SNX29: variants seen among roughly 807,000 people sequenced by gnomAD.
The protein encoded by SNX29 is sorting nexin 29, also known as sorting nexin-29.
A neutral mutation model predicts 102.1 loss-of-function variants in SNX29; 78 were observed. The ratio of observed to expected loss-of-function variants is 0.76; its 90% CI spans 0.64 to 0.92. SNX29 has a LOEUF of 0.92. Among genes scored for constraint, SNX29 ranks in the 40% least tolerant of loss-of-function variants. The pLI, the probability that SNX29 is intolerant of heterozygous loss-of-function variation, is 0.00. For missense variants in SNX29, 1,280 were observed against 1,061.7 expected (o/e 1.21, Z -2.86); for synonymous variants, 580 against 414.5 (o/e 1.40, Z -4.85).
chr16:12,289,857 G>A lies in SNX29; in HGVS notation c.1782+11821G>A, dbSNP rs16959129. Among the ~76,000 whole-genome samples, 3,699 of 152,118 alleles carry A rather than the reference G, an allele frequency of 0.024. 374 individuals are homozygous for A. In the East Asian group the frequency reaches 0.36, roughly 15 times the overall value. On this transcript the variant is annotated intron_variant, in intron 15 of 20. Transcript: ENST00000566228. ...TCGTGTGGCCTTGATGGACGCGAGT[G>A]AAAGAGATGTAGTCCTGTCAAGGTT... is the stretch of plus-strand genomic sequence containing the variant.
chr16:12,016,847 C>T (rs564170094), intron 3 of SNX29, among the ~76,000 whole-genome samples: 47 of 152,100 alleles, frequency 3.1e-4, no homozygotes, highest in African/African-American at 1.1e-3. Flanking sequence ...ATTATACTGG[C>T]CGAACACAGT....
intron 14 of SNX29, among the ~76,000 whole-genome samples, chr16:12,207,665 G>C (rs187012248): frequency 1.3e-5 from 2 of 152,034 alleles, no homozygotes; most frequent in African/African-American, 4.8e-5. Flanking sequence ...TAGAAACTCC[G>C]CTTCCCTTAT....
intron 1 of SNX29, among the ~76,000 whole-genome samples, chr16:11,987,596 C>T (rs561603041): frequency 1.3e-5 from 2 of 151,992 alleles, no homozygotes; most frequent in African/African-American, 4.8e-5. Context: ...GGGGTTTCAC[C>T]ATGTTGGCCA....
chr16:12,368,927 A>G (rs576174782), intron 16 of SNX29, among the ~76,000 whole-genome samples: 1 of 152,268 alleles, frequency 6.6e-6, no homozygotes, highest in East Asian at 1.9e-4. Context: ...GGGTGCACAG[A>G]TATGGATTCA....
intron 13 of SNX29, among the ~76,000 whole-genome samples, chr16:12,186,256 C>G (rs2076506994): frequency 1.3e-5 from 2 of 152,184 alleles, no homozygotes; most frequent in South Asian, 2.1e-4. Context: ...TTGAAGTAAT[C>G]TGAGATTTGC....
intron 13 of SNX29, among the ~76,000 whole-genome samples, chr16:12,176,006 A>AAAC (rs144666243): frequency 2.0e-4 from 31 of 151,260 alleles, no homozygotes; most frequent in Admixed American, 6.6e-4. Flanking sequence ...ACCTTGTCTA[A>AAAC]AACAACAACA....
chr16:12,434,277 A>G (rs2085434598), intron 18 of SNX29, among the ~76,000 whole-genome samples: 1 of 152,188 alleles, frequency 6.6e-6, no homozygotes, highest in Middle Eastern at 3.2e-3. Context: ...GAGTGTGTAC[A>G]AAGTAGTAAG....
chr16:12,573,175 G>C lies in SNX29; in HGVS notation c.*4546G>C. The C allele has an allele frequency of 4.4e-6, 1 of 226,252 alleles. No homozygotes were observed. The highest frequency in any genetic ancestry group is 8.8e-6 in the Non-Finnish European group (1 of 113,766). The allele number at this position is 226,252 out of a possible 1,614,324, so 14.0% of individuals were successfully genotyped here. A position where few individuals can be genotyped will look rare whatever the true frequency, so the allele number is the denominator to read the frequency against. On this transcript the variant is annotated 3_prime_UTR_variant, in exon 21 of 21. Coordinates refer to ENST00000566228, the MANE Select transcript of SNX29 (RefSeq NM_032167.5). ...CTCCTTGGTCAATAGAAGTAAGGGT[G>C]TAGCCATCCAGGGTCTCCCGGCTCT... is the stretch of plus-strand genomic sequence containing the variant.
chr16:11,985,638 A>T (rs188289992), intron 1 of SNX29, among the ~76,000 whole-genome samples: 1 of 152,144 alleles, frequency 6.6e-6, no homozygotes, highest in Admixed American at 6.6e-5. Context: ...GGTCTGGACC[A>T]TAAGTCTAGT....
At chr16:12,155,073 G>A (rs1406451851) in intron 13 of SNX29, among the ~76,000 whole-genome samples, 4 of 152,088 alleles carry the variant, frequency 2.6e-5, no homozygotes, top group African/African-American at 7.3e-5. Context: ...TTGCCCTTCT[G>A]CCAGTGGCTG....
chr16:12,561,371 G>T (rs776891621), intron 20 of SNX29, among the ~76,000 whole-genome samples: 4 of 152,248 alleles, frequency 2.6e-5, no homozygotes, highest in South Asian at 2.1e-4. Context: ...GAGCTAGGTC[G>T]TGGAAGATGC....
intron 3 of SNX29, among the ~76,000 whole-genome samples, chr16:12,021,630 G>A (rs1440295217): frequency 6.6e-6 from 1 of 152,050 alleles, no homozygotes; most frequent in Non-Finnish European, 1.5e-5. Flanking sequence ...TCTCACTTCT[G>A]TAATCCTAGC....
At chr16:12,163,823 T>C (rs533554730) in intron 13 of SNX29, among the ~76,000 whole-genome samples, 15 of 152,290 alleles carry the variant, frequency 9.8e-5, no homozygotes, top group African/African-American at 3.4e-4. Flanking sequence ...GTTTCTGGCT[T>C]GCTCGATGGT....
rs763152272 is a variant in SNX29 at position 12,477,797 on chromosome 16, C to A, written c.2116C>A (p.Gln706Lys). Residue 706 changes from glutamine (Q) to lysine (K), a missense_variant, in exon 19 of 21, where the codon CAA (glutamine) becomes AAA (lysine). Physicochemically the swap from Gln to Lys is moderately conservative, Grantham distance 53. Coordinates refer to ENST00000566228, the MANE Select transcript of SNX29 (RefSeq NM_032167.5). ...TEFRSLHHKL[Q>K]NKYPQVRAYN... ...GTTCAGGAGTTTGCACCACAAGTTA[C>A]AAAACAAGTACCCTCAAGTGAGGGC... 1 of 1,613,416 alleles carries A rather than the reference C, an allele frequency of 6.2e-7. No individual in the cohort carries two copies. The highest frequency in any genetic ancestry group is 1.7e-5 in the Admixed American group (1 of 59,814).
chr16:12,358,732 T>A (rs2082216562), intron 16 of SNX29, among the ~76,000 whole-genome samples: 1 of 152,166 alleles, frequency 6.6e-6, no homozygotes, highest in Non-Finnish European at 1.5e-5. Context: ...CCCCACTCAG[T>A]CTGTTCGTCT....
Position 12,356,209 on chromosome 16 carries a change from A to C in SNX29, c.1829A>C (p.His610Pro). Residue 610 changes from histidine (H) to proline (P), a missense_variant, in exon 16 of 21, where the codon CAC becomes CCC. Transcript: ENST00000566228. ...CTGATTGAGTTCAACGAGCGCCTGC[A>C]CAGGGCCCTGGTAGCCAAGGAAGCC... is the stretch of plus-strand genomic sequence containing the variant. ...GELIEFNERL[H>P]RALVAKEALV... 1 of 1,613,518 alleles carries C rather than the reference A, an allele frequency of 6.2e-7. No homozygotes were observed. Among genetic ancestry groups the C allele is most frequent in the Non-Finnish European group, 8.5e-7 (1 of 1,179,762 alleles).
At chr16:12,554,484 G>C (rs1384060409) in intron 20 of SNX29, among the ~76,000 whole-genome samples, 1 of 152,182 alleles carries the variant, frequency 6.6e-6, no homozygotes, top group South Asian at 2.1e-4. Context: ...TAGGCATGGA[G>C]TGGTTTCCAA....
intron 15 of SNX29, among the ~76,000 whole-genome samples, chr16:12,329,630 G>C (rs957158596): frequency 3.3e-5 from 5 of 152,088 alleles, no homozygotes; most frequent in Non-Finnish European, 5.9e-5. Context: ...ATAAACAGGA[G>C]TGTGTATTAC....
At chr16:12,179,686 T>C (rs2076339325) in intron 13 of SNX29, among the ~76,000 whole-genome samples, 1 of 152,234 alleles carries the variant, frequency 6.6e-6, no homozygotes, top group Non-Finnish European at 1.5e-5. Flanking sequence ...ATTGCAAGCT[T>C]CATCTGTGAC....
Sources: gnomAD v4.1 joint callset for allele counts (sites outside exome capture counted in the v4.1 genomes callset) on GRCh38, gnomAD v4.1.1 for gene constraint, MANE v1.5 for transcripts, NCBI Gene and HGNC (gene_info 2026-07-23, HGNC 2026-07-21) for gene names.